GIPC2: variants seen among roughly 807,000 people sequenced by gnomAD.
The protein encoded by GIPC2 is PDZ domain-containing protein GIPC2.
A neutral mutation model predicts 30.6 loss-of-function variants in GIPC2; 30 were observed. The ratio of observed to expected loss-of-function variants is 0.98; its 90% CI spans 0.73 to 1.33. GIPC2 has a LOEUF of 1.33. Among genes scored for constraint, GIPC2 ranks in the 40% most tolerant of loss-of-function variants. The pLI, the probability that GIPC2 is intolerant of heterozygous loss-of-function variation, is 0.00. For missense variants in GIPC2, 414 were observed against 390.3 expected, an observed-to-expected ratio of 1.06 and a Z score of -0.51; for synonymous variants, 167 against 150.0, an observed-to-expected ratio of 1.11 and a Z score of -0.83.
chr1:78,045,944 G>C (rs1047147704), upstream of GIPC2: 12 of 1,362,150 alleles, frequency 8.8e-6, no homozygotes, highest in East Asian at 3.1e-5. Context: ...GGTGGAGGTC[G>C]GGGCCCTGAC....
At chr1:78,051,740 C>G (rs1661201336) in intron 1 of GIPC2, among the ~76,000 whole-genome samples, 1 of 152,188 alleles carries the variant, frequency 6.6e-6, no homozygotes, top group Admixed American at 6.5e-5. Context: ...GGTGATCTGC[C>G]TGCCTCGGCC....
rs146883716 is a variant in GIPC2 at position 78,061,501 on chromosome 1, T to G, written c.240+15167T>G. ...TAGAATGGTTTTTTTTTGTTTGTTT[T>G]TTTTTTGTTTTGTTTTTGCGATGGA... On this transcript the variant is annotated intron_variant, in intron 1 of 5. Coordinates refer to ENST00000370759, the MANE Select transcript of GIPC2 (RefSeq NM_017655.6). Among the ~76,000 whole-genome samples, 638 of 152,164 alleles carry G rather than the reference T, an allele frequency of 4.2e-3. 1 individual carries two copies. The highest frequency in any genetic ancestry group is 0.01 in the Middle Eastern group (3 of 294).
chr1:78,047,721 A>C (rs752235446), intron 1 of GIPC2, among the ~76,000 whole-genome samples: 1 of 152,190 alleles, frequency 6.6e-6, no homozygotes, highest in Non-Finnish European at 1.5e-5. Context: ...CTTGAAGAGT[A>C]TTGTGAAGAG....
intron 1 of GIPC2, among the ~76,000 whole-genome samples, chr1:78,063,742 G>T (rs180905585): frequency 7.3e-4 from 111 of 151,546 alleles, no homozygotes; most frequent in African/African-American, 2.4e-3. Flanking sequence ...AAATTTGCCG[G>T]GTGTGGTGGT....
chr1:78,050,874 T>G (rs1042911754), intron 1 of GIPC2, among the ~76,000 whole-genome samples: 1 of 152,192 alleles, frequency 6.6e-6, no homozygotes, highest in Non-Finnish European at 1.5e-5. Context: ...GACCTTGTGA[T>G]CTGCCCGCCT....
At chr1:78,048,825 G>C (rs911339123) in intron 1 of GIPC2, among the ~76,000 whole-genome samples, 4 of 152,018 alleles carry the variant, frequency 2.6e-5, no homozygotes, top group Non-Finnish European at 5.9e-5. Context: ...TGACTTGCAA[G>C]GTCAGTTTCC....
intron 1 of GIPC2, among the ~76,000 whole-genome samples, chr1:78,064,642 T>G (rs1294292397): frequency 6.6e-6 from 1 of 151,766 alleles, no homozygotes; most frequent in African/African-American, 2.4e-5. Flanking sequence ...TTTTGTACTT[T>G]TAGTTTTAGG....
intron 4 of GIPC2, among the ~76,000 whole-genome samples, chr1:78,121,170 G>A (rs928673189): frequency 6.6e-6 from 1 of 152,188 alleles, no homozygotes; most frequent in African/African-American, 2.4e-5. Flanking sequence ...GGCAAGAAGG[G>A]TGGAGGAAGA....
Position 78,135,940 on chromosome 1 carries a change from A to C in GIPC2, c.*197A>C, listed in dbSNP as rs1662995240. 1 of 462,814 alleles carries C rather than the reference A, an allele frequency of 2.2e-6. No homozygotes were observed. The highest frequency in any genetic ancestry group is 4.1e-5 in the Admixed American group (1 of 24,312). The allele number at this position is 462,814 out of a possible 1,614,324, so 28.7% of individuals were successfully genotyped here. On this transcript the variant is annotated 3_prime_UTR_variant, in exon 6 of 6. Coordinates refer to ENST00000370759, the MANE Select transcript of GIPC2 (RefSeq NM_017655.6). ...TAACATTGCTGATGTAGTATGCTTA[A>C]GAGAAATGACCTAAATAAGGATCAA... is the stretch of plus-strand genomic sequence containing the variant.
intron 1 of GIPC2, among the ~76,000 whole-genome samples, chr1:78,074,238 T>G (rs370471847): frequency 6.6e-6 from 1 of 152,306 alleles, no homozygotes; most frequent in East Asian, 1.9e-4. Flanking sequence ...ATTTACTTAT[T>G]TTTTAGAGAT....
At chr1:78,045,454 G>A (rs958611284), upstream of GIPC2, 1 of 507,058 alleles carries the variant, frequency 2.0e-6, no homozygotes, top group Non-Finnish European at 2.5e-6. Flanking sequence ...TGGCTTTGGA[G>A]GCGTGCTGAA....
At chr1:78,131,818 G>T (rs552299432) in intron 5 of GIPC2, among the ~76,000 whole-genome samples, 19 of 152,302 alleles carry the variant, frequency 1.2e-4, no homozygotes, top group African/African-American at 4.6e-4. Context: ...AACATATTTA[G>T]CTGCATGCTG....
rs374976733 is a variant in GIPC2, at chr1:78,064,327, A to G, written c.241-16348A>G. On this transcript the variant is annotated intron_variant, in intron 1 of 5. Coordinates refer to ENST00000370759, the MANE Select transcript of GIPC2 (RefSeq NM_017655.6). ...CATGTGGAATACAAAGCAGTTCTTC[A>G]TGAAGCTGGGCTTCTCAAGCATTGC... is the stretch of plus-strand genomic sequence containing the variant. 5.8e-4 allele frequency among the ~76,000 whole-genome samples: 88 copies of G among 152,364 alleles called. 2 individuals are homozygous for G. Among genetic ancestry groups the G allele is most frequent in the African/African-American group, 2.0e-3 (84 of 41,590 alleles).
intron 1 of GIPC2, among the ~76,000 whole-genome samples, chr1:78,060,821 G>A (rs1186349274): frequency 8.6e-5 from 13 of 151,274 alleles, no homozygotes; most frequent in East Asian, 5.8e-4. Flanking sequence ...GTGTGTGTGT[G>A]TATATAGATA....
chr1:78,083,913 G>A (rs1439078161), intron 2 of GIPC2, among the ~76,000 whole-genome samples: 1 of 152,108 alleles, frequency 6.6e-6, no homozygotes, highest in African/African-American at 2.4e-5. Context: ...CTTTTCCCCT[G>A]ACCTAGAATC....
Position 78,136,312 on chromosome 1 carries a change from T to C in GIPC2, c.*569T>C, listed in dbSNP as rs1663002723. ...ATTTCTATGGCCAACTTTCTCTCTTTGTAAAACAAAGATTGATTGATTTTC... is the reference window on the plus strand; with the variant it reads ...ATTTCTATGGCCAACTTTCTCTCTTCGTAAAACAAAGATTGATTGATTTTC... On this transcript the variant is annotated 3_prime_UTR_variant, in exon 6 of 6. Coordinates refer to ENST00000370759, the MANE Select transcript of GIPC2 (RefSeq NM_017655.6). 1 of 152,228 alleles carries C rather than the reference T, an allele frequency of 6.6e-6. No homozygotes were observed. The highest frequency in any genetic ancestry group is 2.4e-5 in the African/African-American group (1 of 41,452). 9.4% of individuals were successfully genotyped at this position (152,228 alleles called of 1,614,324 possible). A position where few individuals can be genotyped will look rare whatever the true frequency, so the allele number is the denominator to read the frequency against.
At chr1:78,083,898 A>G (rs1310457439) in intron 2 of GIPC2, among the ~76,000 whole-genome samples, 2 of 152,186 alleles carry the variant, frequency 1.3e-5, no homozygotes, top group African/African-American at 2.4e-5. Context: ...CCCATCTTGT[A>G]TCTCCTTTTC....
intron 5 of GIPC2, among the ~76,000 whole-genome samples, chr1:78,131,366 G>A (rs1032251783): frequency 2.0e-5 from 3 of 151,778 alleles, no homozygotes; most frequent in Non-Finnish European, 1.5e-5. Flanking sequence ...TTGCCACCAC[G>A]ACCAGCTAAT....
chr1:78,112,417 C>T (rs184262712), intron 3 of GIPC2: 62 of 518,966 alleles, frequency 1.2e-4, no homozygotes, highest in Admixed American at 9.7e-5. Context: ...TCCCTCTGGG[C>T]ATCTTTGGGC....
Sources: gnomAD v4.1 joint callset for allele counts (sites outside exome capture counted in the v4.1 genomes callset) on GRCh38, gnomAD v4.1.1 for gene constraint, MANE v1.5 for transcripts, NCBI Gene and HGNC (gene_info 2026-07-23, HGNC 2026-07-21) for gene names.